Variants in KCNQ3 observed in about 807,000 individuals in gnomAD.
KCNQ3 encodes potassium voltage-gated channel subfamily KQT member 3.
In KCNQ3, 30 loss-of-function variants were observed where a neutral mutation model predicts 92.5. The ratio of observed to expected loss-of-function variants is 0.32; its 90% CI spans 0.24 to 0.44. The LOEUF is 0.44. Ranked by LOEUF, KCNQ3 falls within the 20% of genes least tolerant of loss-of-function variation. The pLI is 1.00. For synonymous variants in KCNQ3, 450 were observed against 468.8 expected (o/e 0.96, Z 0.52); for missense variants, 913 against 1,140.3 (o/e 0.80, Z 2.87).
intron 1 of KCNQ3, among the ~76,000 whole-genome samples, chr8:132,324,777 A>C (rs1437209489): frequency 6.6e-6 from 1 of 152,148 alleles, no homozygotes; most frequent in East Asian, 1.9e-4. Context: ...AGGGTCTCCC[A>C]GTGAGCTAGT....
rs189517968 is a variant in KCNQ3, at chr8:132,211,641, T to C, written c.387-25460A>G. Among the ~76,000 whole-genome samples, 5 of 152,300 alleles carry C rather than the reference T, an allele frequency of 3.3e-5. No homozygotes were observed. The East Asian group carries it at 9.7e-4, about 29-fold the overall frequency. ...TGTATATACATATGAGAGTCATAAG[T>C]CTATTTTTTTTATTTAAAAAATATC... is the stretch of plus-strand genomic sequence containing the variant. On this transcript the variant is annotated intron_variant, in intron 1 of 14. Coordinates refer to ENST00000388996, the MANE Select transcript of KCNQ3 (RefSeq NM_004519.4).
At chr8:132,251,266 A>G (rs1586866365) in intron 1 of KCNQ3, among the ~76,000 whole-genome samples, 2 of 151,672 alleles carry the variant, frequency 1.3e-5, no homozygotes, top group African/African-American at 4.8e-5. Context: ...GACTCTGAAG[A>G]AAAAAAAAGG....
intron 1 of KCNQ3, among the ~76,000 whole-genome samples, chr8:132,434,745 G>A (rs1376688327): frequency 1.3e-5 from 2 of 152,192 alleles, no homozygotes; most frequent in African/African-American, 4.8e-5. Context: ...ACATGGGCAA[G>A]GAAGAATCAT....
chr8:132,157,031 G>A (rs1409862305), intron 9 of KCNQ3, among the ~76,000 whole-genome samples: 2 of 152,216 alleles, frequency 1.3e-5, no homozygotes, highest in Non-Finnish European at 2.9e-5. Context: ...TTTGGAGGGA[G>A]CATGGGCAGG....
chr8:132,248,249 C>T (rs796963477), intron 1 of KCNQ3, among the ~76,000 whole-genome samples: 2 of 152,018 alleles, frequency 1.3e-5, no homozygotes, highest in African/African-American at 4.8e-5. Flanking sequence ...TCATTAGATA[C>T]TTTTCTTCTT....
At chr8:132,311,169 T>C (rs10094383) in intron 1 of KCNQ3, among the ~76,000 whole-genome samples, 120,925 of 152,058 alleles carry the variant, frequency 0.8, 48,873 homozygotes, top group African/African-American at 0.93. Flanking sequence ...ACCTCAGGAT[T>C]CTCCCACCTC....
At chr8:132,221,051 G>A (rs186949340) in intron 1 of KCNQ3, among the ~76,000 whole-genome samples, 1 of 152,262 alleles carries the variant, frequency 6.6e-6, no homozygotes, top group African/African-American at 2.4e-5. Context: ...CCACCTATGA[G>A]TGAGAACATG....
chr8:132,279,253 T>G (rs1816439596), intron 1 of KCNQ3, among the ~76,000 whole-genome samples: 1 of 152,124 alleles, frequency 6.6e-6, no homozygotes, highest in Non-Finnish European at 1.5e-5. Flanking sequence ...TAACCGCCAG[T>G]GATTCTGATT....
intron 1 of KCNQ3, among the ~76,000 whole-genome samples, chr8:132,407,962 C>T (rs1258033408): frequency 6.6e-6 from 1 of 152,120 alleles, no homozygotes; most frequent in Admixed American, 6.5e-5. Flanking sequence ...TAAGTAGATG[C>T]TGGCTGACTG....
At chr8:132,150,314 C>T (rs987086022) in intron 9 of KCNQ3, among the ~76,000 whole-genome samples, 1 of 152,096 alleles carries the variant, frequency 6.6e-6, no homozygotes, top group Non-Finnish European at 1.5e-5. Flanking sequence ...CTTTGTTTAG[C>T]CTTTGGGTGG....
chr8:132,348,622 G>A (rs1818765809), intron 1 of KCNQ3, among the ~76,000 whole-genome samples: 1 of 152,170 alleles, frequency 6.6e-6, no homozygotes, highest in African/African-American at 2.4e-5. Flanking sequence ...GTGGCTAGTG[G>A]CTACCATATT....
chr8:132,392,116 G>A (rs1458365235), intron 1 of KCNQ3, among the ~76,000 whole-genome samples: 2 of 152,068 alleles, frequency 1.3e-5, no homozygotes, highest in Non-Finnish European at 2.9e-5. Flanking sequence ...CCTCCCCCCT[G>A]GAGAAACATA....
intron 1 of KCNQ3, among the ~76,000 whole-genome samples, chr8:132,210,613 G>T (rs1313104134): frequency 6.6e-6 from 1 of 152,212 alleles, no homozygotes; most frequent in East Asian, 1.9e-4. Flanking sequence ...GCCACAAAGT[G>T]TTGGCCAGGA....
intron 1 of KCNQ3, among the ~76,000 whole-genome samples, chr8:132,285,808 G>A (rs1022324565): frequency 6.6e-6 from 1 of 152,182 alleles, no homozygotes; most frequent in South Asian, 2.1e-4. Context: ...AGGGCAGAAT[G>A]GTTTTCTGGG....
intron 1 of KCNQ3, among the ~76,000 whole-genome samples, chr8:132,475,012 C>T (rs969294767): frequency 1.3e-5 from 2 of 152,130 alleles, no homozygotes; most frequent in African/African-American, 4.8e-5. Context: ...ATAGAATTCT[C>T]ATAAGATCCA....
chr8:132,283,149 G>A (rs1173033810), intron 1 of KCNQ3, among the ~76,000 whole-genome samples: 1 of 151,038 alleles, frequency 6.6e-6, no homozygotes, highest in East Asian at 2.0e-4. Context: ...AGAAATTCTT[G>A]TTGAGTATCT....
At chr8:132,249,609 C>T (rs1033339401) in intron 1 of KCNQ3, among the ~76,000 whole-genome samples, 1 of 152,214 alleles carries the variant, frequency 6.6e-6, no homozygotes, top group Admixed American at 6.5e-5. Context: ...GTGGATCCTG[C>T]ACCGGGGCCA....
At chr8:132,253,146 G>A (rs116695150) in intron 1 of KCNQ3, among the ~76,000 whole-genome samples, 105 of 152,280 alleles carry the variant, frequency 6.9e-4, no homozygotes, top group African/African-American at 2.5e-3. Flanking sequence ...GTTTCTGTGT[G>A]TCAGGAACTG....
intron 1 of KCNQ3, among the ~76,000 whole-genome samples, chr8:132,450,063 G>C (rs1458056904): frequency 1.3e-5 from 2 of 152,182 alleles, no homozygotes; most frequent in Non-Finnish European, 2.9e-5. Flanking sequence ...TGGACCCAAA[G>C]AGTGAGCAAC....
Sources: gnomAD v4.1 joint callset for allele counts (sites outside exome capture counted in the v4.1 genomes callset) on GRCh38, gnomAD v4.1.1 for gene constraint, MANE v1.5 for transcripts, NCBI Gene and HGNC (gene_info 2026-07-23, HGNC 2026-07-21) for gene names.